Variants in ELAVL4 observed in about 807,000 individuals in gnomAD.
ELAVL4 encodes ELAV-like protein 4.
ELAVL4 carries 1 observed loss-of-function variant against 35.6 expected under a neutral mutation model. That is an observed-to-expected ratio of 0.03 (90% CI 0.01 to 0.13). The LOEUF (loss-of-function observed/expected upper bound fraction) is 0.13, where lower values mean the gene tolerates loss of function less well. Among genes scored for constraint, ELAVL4 ranks in the 10% least tolerant of loss-of-function variants. The probability of loss-of-function intolerance (pLI) is 1.00; values close to 1 mark genes in which losing one functional copy is unlikely to be tolerated. For synonymous variants in ELAVL4, 156 were observed against 171.0 expected, an observed-to-expected ratio of 0.91 and a Z score of 0.69; for missense variants, 267 against 464.9, an observed-to-expected ratio of 0.57 and a Z score of 3.91.
At chr1:50,106,460 T>G, upstream of ELAVL4, 1 of 1,283,154 alleles carries the variant, frequency 7.8e-7, no homozygotes, top group Non-Finnish European at 1.1e-6. Context: ...TTGCCTTAGC[T>G]GCTTGAGTGA....
chr1:50,132,396 A>C (rs963305748), intron 1 of ELAVL4, among the ~76,000 whole-genome samples: 7 of 152,202 alleles, frequency 4.6e-5, no homozygotes, highest in African/African-American at 1.7e-4. Flanking sequence ...GCTTTTGTCC[A>C]AGTGCAAAAT....
At chr1:50,057,378 AT>A (rs1446215156) in intron 1 of ELAVL4, among the ~76,000 whole-genome samples, 2 of 152,162 alleles carry the variant, frequency 1.3e-5, no homozygotes, top group Non-Finnish European at 2.9e-5. Context: ...AAGAAAAAAC[AT>A]TTTTATAAAT....
At chr1:50,105,484 A>G (rs1031438488), upstream of ELAVL4, among the ~76,000 whole-genome samples, 4 of 152,118 alleles carry the variant, frequency 2.6e-5, no homozygotes, top group African/African-American at 4.8e-5. Flanking sequence ...TTTTGACAAG[A>G]TATAGTGAGA....
In ELAVL4 at chr1:50,120,060, A is replaced by AATATATATAT. The variant is rs112021692; in HGVS notation, c.9+10872_9+10881dup. 2.0e-5 allele frequency among the ~76,000 whole-genome samples: 3 copies of AATATATATAT among 147,094 alleles called. No individual in the cohort carries two copies. In the South Asian group the frequency reaches 6.5e-4, roughly 32 times the overall value. On this transcript the variant is annotated intron_variant, in intron 1 of 6. Coordinates refer to ENST00000371824, the MANE Select transcript of ELAVL4 (RefSeq NM_001144774.3). ...CAAATTTTTCGTTGGAGAATCAACA[A>AATATATATAT]ATATATATATATATATATAGCATGT... is the stretch of plus-strand genomic sequence containing the variant.
At chr1:50,163,011 C>G (rs907412431) in intron 2 of ELAVL4, among the ~76,000 whole-genome samples, 1 of 152,192 alleles carries the variant, frequency 6.6e-6, no homozygotes, top group African/African-American at 2.4e-5. Flanking sequence ...AGAATGGATT[C>G]AACTTAGAAA....
rs146497523 is a variant in ELAVL4, at chr1:50,077,023, TTCTCTC to T, written c.18+28860_18+28865del. Among the ~76,000 whole-genome samples, 14 of 147,078 alleles carry T rather than the reference TTCTCTC, an allele frequency of 9.5e-5. No individual in the cohort carries two copies. In the East Asian group the frequency reaches 1.6e-3, roughly 17 times the overall value. ...CAGAGAAACAAAGTAAATGGGATGT[TTCTCTC>T]TCTCTCTCTCTCTCTCTCATACATA... is the stretch of plus-strand genomic sequence containing the variant. On this transcript the variant is annotated intron_variant, in intron 1 of 6. Coordinates refer to the ELAVL4 transcript ENST00000448907.
intron 1 of ELAVL4, among the ~76,000 whole-genome samples, chr1:50,116,223 A>G (rs1314503492): frequency 6.6e-6 from 1 of 152,116 alleles, no homozygotes; most frequent in Non-Finnish European, 1.5e-5. Flanking sequence ...TTTTACAGAA[A>G]CACGAATGTC....
intron 1 of ELAVL4, among the ~76,000 whole-genome samples, chr1:50,138,856 G>A (rs989141227): frequency 5.3e-5 from 8 of 152,122 alleles, no homozygotes; most frequent in African/African-American, 1.7e-4. Flanking sequence ...GAATGAGGAG[G>A]TATTGTTTAA....
intron 1 of ELAVL4, among the ~76,000 whole-genome samples, chr1:50,127,077 C>T (rs1670058673): frequency 6.6e-6 from 1 of 151,934 alleles, no homozygotes; most frequent in Non-Finnish European, 1.5e-5. Flanking sequence ...AAAGAGTCAC[C>T]CATTCCTCTT....
intron 2 of ELAVL4, among the ~76,000 whole-genome samples, chr1:50,149,461 G>T (rs561433398): frequency 6.6e-6 from 1 of 150,888 alleles, no homozygotes; most frequent in Non-Finnish European, 1.5e-5. Context: ...TATTTACATT[G>T]TGTGATTATT....
chr1:50,170,520 C>T (rs1257531408), intron 2 of ELAVL4, among the ~76,000 whole-genome samples: 2 of 152,194 alleles, frequency 1.3e-5, no homozygotes, highest in African/African-American at 4.8e-5. Flanking sequence ...TTCAGACACA[C>T]GTCTGACCAA....
intron 1 of ELAVL4, among the ~76,000 whole-genome samples, chr1:50,120,582 T>C (rs1209689705): frequency 6.6e-6 from 1 of 152,050 alleles, no homozygotes; most frequent in Non-Finnish European, 1.5e-5. Context: ...TCAAGACCTG[T>C]CTTTATTAAG....
chr1:50,188,842 G>A (rs558532308), intron 3 of ELAVL4, among the ~76,000 whole-genome samples: 3 of 152,294 alleles, frequency 2.0e-5, no homozygotes, highest in African/African-American at 7.2e-5. Context: ...ATAGCAATAG[G>A]CCTGGTCTGT....
intron 1 of ELAVL4, among the ~76,000 whole-genome samples, chr1:50,051,068 AT>A (rs1191480855): frequency 1.3e-5 from 2 of 152,206 alleles, no homozygotes; most frequent in African/African-American, 4.8e-5. Context: ...GCCAAAAATT[AT>A]TAATAAAATG....
chr1:50,083,980 T>C (rs2148498882), intron 1 of ELAVL4, among the ~76,000 whole-genome samples: 1 of 152,310 alleles, frequency 6.6e-6, no homozygotes, highest in South Asian at 2.1e-4. Flanking sequence ...ATTCCCCTCA[T>C]TGTTGAGAGC....
intron 1 of ELAVL4, among the ~76,000 whole-genome samples, chr1:50,128,772 G>A (rs1022327865): frequency 2.0e-5 from 3 of 152,100 alleles, no homozygotes; most frequent in African/African-American, 7.2e-5. Context: ...ATTGCTGGCT[G>A]CAGAAGCCTA....
intron 5 of ELAVL4, among the ~76,000 whole-genome samples, chr1:50,196,938 T>G (rs1202803259): frequency 6.6e-6 from 1 of 152,066 alleles, no homozygotes; most frequent in Non-Finnish European, 1.5e-5. Context: ...ACCTGCAAAC[T>G]CCCCCTGCCT....
intron 1 of ELAVL4, among the ~76,000 whole-genome samples, chr1:50,055,990 C>G (rs1026483863): frequency 1.3e-5 from 2 of 152,282 alleles, no homozygotes; most frequent in Admixed American, 6.5e-5. Context: ...TAACTTTGCT[C>G]TCTTATGCAA....
At chr1:50,106,116 G>C, upstream of ELAVL4, 1 of 444,976 alleles carries the variant, frequency 2.2e-6, no homozygotes. Flanking sequence ...GGAGAATTTG[G>C]TTGTCTTTTT....
Sources: allele counts gnomAD v4.1 joint callset (sites outside exome capture counted in the v4.1 genomes callset), GRCh38; gene constraint gnomAD v4.1.1; transcripts MANE v1.5; gene names NCBI Gene and HGNC (gene_info 2026-07-23, HGNC 2026-07-21).